PTPRO: variants seen among roughly 807,000 people sequenced by gnomAD.
PTPRO encodes the protein protein tyrosine phosphatase receptor type O.
Under a neutral mutation model 145.2 loss-of-function variants are expected in PTPRO, and 62 were observed. The ratio of observed to expected loss-of-function variants is 0.43; its 90% CI spans 0.35 to 0.53. The LOEUF is 0.53. PTPRO is among the 20% of genes least tolerant of loss of function. The probability of loss-of-function intolerance (pLI) is 0.01; values close to 1 mark genes in which losing one functional copy is unlikely to be tolerated. For synonymous variants in PTPRO, 565 were observed against 514.7 expected, an observed-to-expected ratio of 1.10 and a Z score of -1.32; for missense variants, 1,345 against 1,482.7, an observed-to-expected ratio of 0.91 and a Z score of 1.53.
intron 1 of PTPRO, among the ~76,000 whole-genome samples, chr12:15,350,315 G>A (rs1937758879): frequency 6.6e-6 from 1 of 152,144 alleles, no homozygotes; most frequent in African/African-American, 2.4e-5. Context: ...TGCTTGATGA[G>A]GTCAGAACCT....
chr12:15,591,417 C>A (rs1039531428), intron 25 of PTPRO, among the ~76,000 whole-genome samples: 8 of 151,920 alleles, frequency 5.3e-5, no homozygotes, highest in African/African-American at 1.9e-4. Flanking sequence ...GGCCTGTTTG[C>A]TTTTGACTTT....
chr12:15,364,621 GTAAT>G (rs1938306265), intron 1 of PTPRO, among the ~76,000 whole-genome samples: 4 of 152,108 alleles, frequency 2.6e-5, no homozygotes, highest in African/African-American at 9.7e-5. Flanking sequence ...ATTATTGACT[GTAAT>G]TAAACTCACA....
At chr12:15,511,480 G>A (rs529659850) in intron 7 of PTPRO, among the ~76,000 whole-genome samples, 6 of 152,330 alleles carry the variant, frequency 3.9e-5, no homozygotes, top group Non-Finnish European at 7.3e-5. Flanking sequence ...GTAATATGAT[G>A]TATATGCCCA....
At chr12:15,375,433 A>G (rs1423825098) in intron 1 of PTPRO, among the ~76,000 whole-genome samples, 1 of 152,190 alleles carries the variant, frequency 6.6e-6, no homozygotes, top group Non-Finnish European at 1.5e-5. Context: ...CAGTATGACA[A>G]TAATTCACCC....
At chr12:15,501,516 T>C in intron 4 of PTPRO, 104 bp from the exon 5 acceptor site, 1 of 1,085,470 alleles carries the variant, frequency 9.2e-7, no homozygotes, top group Non-Finnish European at 1.4e-6. Context: ...AAAATTAAAT[T>C]CCACTTTTAA....
Position 15,501,709 on chromosome 12 carries a change from T to A in PTPRO, c.751T>A (p.Ser251Thr), listed in dbSNP as rs147962263. The change falls in exon 5 of 27, where the codon TCC becomes ACC. Residue 251 changes from serine (S) to threonine (T), a missense_variant. By Grantham distance (58) the Ser-to-Thr change is moderately conservative (BLOSUM62 1). Around this residue, in one of 3 missense-constraint regions of PTPRO, gnomAD observed 1,130 missense variants for 1,214.7 expected, o/e 0.93. Transcript: ENST00000281171. The part of the protein sequence containing the change: ...EEQSGNFPEE[S>T]FMRSQDTIGK... ...ACAGAGTGGCAATTTCCCAGAAGAA[T>A]CCTTCATGAGATCACAAGATACAAT... The A allele has an allele frequency of 3.1e-6, 5 of 1,613,904 alleles. No homozygotes were observed. The African/African-American group carries it at 6.7e-5, about 22-fold the overall frequency.
intron 1 of PTPRO, among the ~76,000 whole-genome samples, chr12:15,331,080 C>T (rs1866594380): frequency 6.6e-6 from 1 of 151,846 alleles, no homozygotes; most frequent in Admixed American, 6.6e-5. Flanking sequence ...GGCAGTGGGC[C>T]GGAAGGGGGT....
chr12:15,455,320 C>A (rs1174926352), intron 1 of PTPRO, among the ~76,000 whole-genome samples: 10 of 151,756 alleles, frequency 6.6e-5, no homozygotes, highest in African/African-American at 2.4e-4. Context: ...CCCCCCCACA[C>A]ACACAATACC....
intron 1 of PTPRO, among the ~76,000 whole-genome samples, chr12:15,389,800 G>T (rs1034034065): frequency 1.3e-4 from 20 of 152,250 alleles, no homozygotes; most frequent in African/African-American, 4.8e-4. Context: ...AACACAATCA[G>T]TTAGTTACCC....
chr12:15,370,694 A>G (rs1461713244), intron 1 of PTPRO, among the ~76,000 whole-genome samples: 1 of 152,224 alleles, frequency 6.6e-6, no homozygotes. Context: ...ATTTCAATAA[A>G]AAAACACAAA....
chr12:15,542,851 T>G (rs2135542489), intron 12 of PTPRO, among the ~76,000 whole-genome samples: 1 of 152,306 alleles, frequency 6.6e-6, no homozygotes, highest in Admixed American at 6.5e-5. Context: ...ACATTTCAAG[T>G]ACGCAACAGC....
At chr12:15,404,659 T>G (rs1303382658) in intron 1 of PTPRO, among the ~76,000 whole-genome samples, 7 of 152,214 alleles carry the variant, frequency 4.6e-5, no homozygotes, top group African/African-American at 7.2e-5. Context: ...CATCAGTGAA[T>G]AATCTGAGAC....
intron 19 of PTPRO, among the ~76,000 whole-genome samples, chr12:15,574,910 A>G (rs1479608100): frequency 6.6e-6 from 1 of 152,190 alleles, no homozygotes; most frequent in African/African-American, 2.4e-5. Flanking sequence ...CAGAATGCAG[A>G]TTGTGCTCTC....
intron 17 of PTPRO, among the ~76,000 whole-genome samples, chr12:15,564,996 T>G (rs1043561497): frequency 6.6e-6 from 1 of 152,196 alleles, no homozygotes; most frequent in African/African-American, 2.4e-5. Context: ...GCTTATAGAC[T>G]AGTAATGATG....
At chr12:15,423,716 C>A (rs1940207872) in intron 1 of PTPRO, among the ~76,000 whole-genome samples, 1 of 152,026 alleles carries the variant, frequency 6.6e-6, no homozygotes, top group Non-Finnish European at 1.5e-5. Context: ...TTTAGACTTC[C>A]TTCTTTTCTT....
chr12:15,560,814 T>C (rs570751663), intron 17 of PTPRO, among the ~76,000 whole-genome samples: 1 of 152,090 alleles, frequency 6.6e-6, no homozygotes, highest in East Asian at 1.9e-4. Context: ...ATTTTAGAAA[T>C]GTGGAAATAG....
Position 15,435,366 on chromosome 12 carries a change from T to G in PTPRO, c.76-48608T>G, listed in dbSNP as rs148173145. Among the ~76,000 whole-genome samples the G allele has an allele frequency of 2.8e-3, 431 of 152,312 alleles. 2 individuals are homozygous for G. The highest frequency in any genetic ancestry group is 4.9e-3 in the Non-Finnish European group (333 of 68,018). Reference sequence around the variant, plus strand: ...AAGGAAAAGTATAAAAATTTTTGTGTAACTGAACTGACATGATATCAGTCA... The same window carrying G: ...AAGGAAAAGTATAAAAATTTTTGTGGAACTGAACTGACATGATATCAGTCA... On this transcript the variant is annotated intron_variant, in intron 1 of 26. Coordinates refer to ENST00000281171, the MANE Select transcript of PTPRO (RefSeq NM_030667.3).
At chr12:15,533,383 C>G (rs1943001342) in intron 12 of PTPRO, among the ~76,000 whole-genome samples, 1 of 151,986 alleles carries the variant, frequency 6.6e-6, no homozygotes, top group Non-Finnish European at 1.5e-5. Flanking sequence ...TTCTTATTTT[C>G]TTGAAAACAT....
At chr12:15,583,762 T>C (rs1325612223) in intron 23 of PTPRO, among the ~76,000 whole-genome samples, 1 of 152,114 alleles carries the variant, frequency 6.6e-6, no homozygotes, top group Non-Finnish European at 1.5e-5. Flanking sequence ...GAAACAAAGA[T>C]TGCCCGTATC....
Sources: gnomAD v4.1 joint callset for allele counts (sites outside exome capture counted in the v4.1 genomes callset) on GRCh38, gnomAD v4.1.1 for gene constraint, gnomAD v4.1.1 regional missense constraint, MANE v1.5 for transcripts, NCBI Gene and HGNC (gene_info 2026-07-23, HGNC 2026-07-21) for gene names.